CDIN1: variants seen among roughly 807,000 people sequenced by gnomAD.
CDIN1 encodes the protein CDAN1 interacting nuclease 1.
CDIN1 carries 33 observed loss-of-function variants against 45.3 expected under a neutral mutation model. That is an observed-to-expected ratio of 0.73 (90% CI 0.55 to 0.97). CDIN1 has a LOEUF of 0.97. Ranked by LOEUF, CDIN1 falls within the 50% of genes least tolerant of loss-of-function variation. The pLI is 0.00. For missense variants in CDIN1, 303 were observed against 339.4 expected (o/e 0.89, Z 0.84); for synonymous variants, 118 against 124.4 (o/e 0.95, Z 0.34).
chr15:36,712,389 C>A (rs956014059), intron 10 of CDIN1, among the ~76,000 whole-genome samples: 3 of 151,092 alleles, frequency 2.0e-5, no homozygotes, highest in South Asian at 4.2e-4. Context: ...CCTCAGCCTC[C>A]CAGGTAGCTG....
chr15:36,701,130 A>ATAGG (rs1555396849), intron 8 of CDIN1, among the ~76,000 whole-genome samples: 1 of 96,428 alleles, frequency 1.0e-5, no homozygotes, highest in Non-Finnish European at 2.2e-5. Flanking sequence ...AGGTAGATAG[A>ATAGG]TAGATAGATA....
intron 1 of CDIN1, among the ~76,000 whole-genome samples, chr15:36,610,117 G>C (rs922302814): frequency 1.3e-5 from 2 of 152,122 alleles, no homozygotes; most frequent in Non-Finnish European, 2.9e-5. Flanking sequence ...ATACGAGAAA[G>C]GGTTCACAAA....
chr15:36,791,959 C>T (rs1246862729), intron 10 of CDIN1, among the ~76,000 whole-genome samples: 1 of 152,000 alleles, frequency 6.6e-6, no homozygotes, highest in Non-Finnish European at 1.5e-5. Context: ...TAGTTCAGGC[C>T]CTAAAAATAA....
intron 1 of CDIN1, among the ~76,000 whole-genome samples, chr15:36,582,048 T>A (rs1239115104): frequency 6.6e-6 from 1 of 152,238 alleles, no homozygotes. Flanking sequence ...AAGCTTGTGG[T>A]GATGGATATG....
At position 36,703,420 on chromosome 15, in the gene CDIN1, G is replaced by GAT. The variant is rs1295441512; in HGVS notation, c.545-5792_545-5791dup. On this transcript the variant is annotated intron_variant, in intron 8 of 10. Transcript: ENST00000566621. The stretch of plus-strand genomic sequence containing the variant: ...ATATATATGATATACATATATATCA[G>GAT]ATATATATATATCAGAAAGGGATCT... Among the ~76,000 whole-genome samples the GAT allele has an allele frequency of 7.4e-5, 10 of 135,348 alleles. 1 individual carries two copies. Among genetic ancestry groups the GAT allele is most frequent in the Non-Finnish European group, 9.4e-5 (6 of 64,142 alleles). 88.8% of individuals were successfully genotyped at this position (135,348 alleles called of 152,430 possible).
rs1354355995 is a variant in CDIN1 at position 36,709,865 on chromosome 15, G to A, written c.620G>A (p.Gly207Glu). The A allele has an allele frequency of 2.5e-6, 4 of 1,613,034 alleles. No individual in the cohort carries two copies. In the South Asian group the frequency reaches 3.3e-5, roughly 13 times the overall value. ...FILQVPVAVE[G>E]HIIHWIESKA... is the part of the protein sequence containing the mutation. ...ATGCTTTGTCCCTTAGCTGTAGAAGGGCACATAATTCACTGGATTGAAAGC... is the reference window on the plus strand; with the variant it reads ...ATGCTTTGTCCCTTAGCTGTAGAAGAGCACATAATTCACTGGATTGAAAGC... Residue 207 changes from glycine (G) to glutamate (E), a missense_variant, in exon 10 of 11, where the codon GGG (glycine) becomes GAG (glutamate). Physicochemically the swap from Gly to Glu is moderately conservative, Grantham distance 98. Transcript: ENST00000566621.
chr15:36,613,278 C>G (rs2038733982), intron 1 of CDIN1, among the ~76,000 whole-genome samples: 1 of 152,156 alleles, frequency 6.6e-6, no homozygotes, highest in Admixed American at 6.5e-5. Context: ...GGAGGAGGGT[C>G]ATTCTTCACT....
intron 10 of CDIN1, among the ~76,000 whole-genome samples, chr15:36,781,251 TA>T (rs919685318): frequency 6.6e-6 from 1 of 152,104 alleles, no homozygotes; most frequent in African/African-American, 2.4e-5. Flanking sequence ...TTAGACTACT[TA>T]AAAAAATCAC....
rs144460609 is a variant in CDIN1, at chr15:36,639,461, C to T, written c.102-4817C>T. ...CTCTACTAAAAATACAAAAATTAGCCGGGCGTGGTGGCAGCTATTCTGGAG... is the reference window on the plus strand; with the variant it reads ...CTCTACTAAAAATACAAAAATTAGCTGGGCGTGGTGGCAGCTATTCTGGAG... On this transcript the variant is annotated intron_variant, in intron 1 of 10. Transcript: ENST00000566621. Among the ~76,000 whole-genome samples, 127 of 152,090 alleles carry T rather than the reference C, an allele frequency of 8.4e-4. 1 individual carries two copies. The highest frequency in any genetic ancestry group is 1.9e-3 in the Admixed American group (29 of 15,284).
intron 10 of CDIN1, among the ~76,000 whole-genome samples, chr15:36,791,180 A>G (rs1163500589): frequency 6.6e-6 from 1 of 152,172 alleles, no homozygotes; most frequent in Non-Finnish European, 1.5e-5. Context: ...CCCATCTTAC[A>G]TATGCCATAA....
chr15:36,760,918 T>C (rs1432278739), intron 10 of CDIN1, among the ~76,000 whole-genome samples: 1 of 152,228 alleles, frequency 6.6e-6, no homozygotes, highest in East Asian at 1.9e-4. Context: ...AAGTAGTGTG[T>C]AAGTATGCCC....
At chr15:36,661,421 T>G (rs765404428) in intron 5 of CDIN1, among the ~76,000 whole-genome samples, 12 of 151,306 alleles carry the variant, frequency 7.9e-5, no homozygotes, top group Non-Finnish European at 1.5e-4. Flanking sequence ...TTGGATGTGT[T>G]TTTTTTTTAA....
intron 1 of CDIN1, chr15:36,626,723 T>C (rs191911003): frequency 2.5e-5 from 11 of 432,532 alleles, no homozygotes; most frequent in African/African-American, 2.0e-4. Context: ...CACCTGAAAA[T>C]ATCCTTTCAG....
rs147257404 is a variant in CDIN1 at position 36,746,803 on chromosome 15, A to G, written c.716+36842A>G. On this transcript the variant is annotated intron_variant, in intron 10 of 10. Coordinates refer to ENST00000566621, the MANE Select transcript of CDIN1 (RefSeq NM_001321759.2). ...GAGACAGGGTCTCACTCTGTTGCCC[A>G]GGACTATGGCTCACTGCAGCATTCG... The G allele has an allele frequency of 5.9e-5, 10 of 169,722 alleles. No individual in the cohort carries two copies. The East Asian group carries it at 6.8e-4, about 12-fold the overall frequency. The allele number at this position is 169,722 out of a possible 1,614,324, so 10.5% of individuals were successfully genotyped here. A position where few individuals can be genotyped will look rare whatever the true frequency, so the allele number is the denominator to read the frequency against.
At chr15:36,785,648 C>T (rs2054471036) in intron 10 of CDIN1, among the ~76,000 whole-genome samples, 1 of 152,158 alleles carries the variant, frequency 6.6e-6, no homozygotes, top group Non-Finnish European at 1.5e-5. Flanking sequence ...ACTTGCTCTC[C>T]AGTGACCCAG....
At chr15:36,725,851 T>C in intron 10 of CDIN1, among the ~76,000 whole-genome samples, 1 of 151,228 alleles carries the variant, frequency 6.6e-6, no homozygotes, top group Admixed American at 6.6e-5. Flanking sequence ...ACCTAAGTGC[T>C]TTAAAAAAAA....
chr15:36,788,494 C>T (rs148575012), intron 10 of CDIN1, among the ~76,000 whole-genome samples: 1 of 151,898 alleles, frequency 6.6e-6, no homozygotes, highest in African/African-American at 2.4e-5. Context: ...TTAATGTTAC[C>T]TTCAGAAGTT....
At chr15:36,789,833 T>C (rs903190698) in intron 10 of CDIN1, among the ~76,000 whole-genome samples, 2 of 152,194 alleles carry the variant, frequency 1.3e-5, no homozygotes, top group Admixed American at 6.5e-5. Flanking sequence ...ATCTTCAAAA[T>C]TGACATGGGG....
chr15:36,620,015 A>T (rs935964631), intron 1 of CDIN1, among the ~76,000 whole-genome samples: 1 of 152,114 alleles, frequency 6.6e-6, no homozygotes, highest in African/African-American at 2.4e-5. Flanking sequence ...TGTGACTACT[A>T]ATCAGTTTGA....
Sources: gnomAD v4.1 joint callset for allele counts (sites outside exome capture counted in the v4.1 genomes callset) on GRCh38, gnomAD v4.1.1 for gene constraint, MANE v1.5 for transcripts, NCBI Gene and HGNC (gene_info 2026-07-23, HGNC 2026-07-21) for gene names.